Variants in KLF15 observed in about 807,000 individuals in gnomAD.
KLF15 encodes KLF transcription factor 15.
In KLF15, 4 loss-of-function variants were observed where a neutral mutation model predicts 24.6. The ratio of observed to expected loss-of-function variants is 0.16; its 90% CI spans 0.08 to 0.37. KLF15 has a LOEUF of 0.37. Ranked by LOEUF, KLF15 falls within the 10% of genes least tolerant of loss-of-function variation. The probability of loss-of-function intolerance (pLI) is 1.00; values close to 1 mark genes in which losing one functional copy is unlikely to be tolerated. For synonymous variants in KLF15, 246 were observed against 236.3 expected, an observed-to-expected ratio of 1.04 and a Z score of -0.37; for missense variants, 496 against 560.6, an observed-to-expected ratio of 0.88 and a Z score of 1.16.
chr3:126,323,406 TA>T, the KLF15 span, among the ~76,000 whole-genome samples: 1 of 22,132 alleles, frequency 4.5e-5, no homozygotes, highest in African/African-American at 2.8e-4. Flanking sequence ...CCAGTAGTTA[TA>T]TATATATATA....
the KLF15 span, among the ~76,000 whole-genome samples, chr3:126,306,392 C>A: frequency 6.6e-6 from 1 of 152,134 alleles, no homozygotes; most frequent in Non-Finnish European, 1.5e-5. Context: ...GTCAGCTGTT[C>A]CCCACCCCTA....
At chr3:126,298,505 G>A in the KLF15 span, among the ~76,000 whole-genome samples, 3 of 151,698 alleles carry the variant, frequency 2.0e-5, no homozygotes, top group African/African-American at 7.3e-5. Flanking sequence ...TGTCCTTGTT[G>A]CATTTGCTTT....
the KLF15 span, among the ~76,000 whole-genome samples, chr3:126,292,304 C>A: frequency 6.6e-6 from 1 of 152,126 alleles, no homozygotes; most frequent in African/African-American, 2.4e-5. Context: ...TATGTCACCC[C>A]AAGTGACTCT....
the KLF15 span, among the ~76,000 whole-genome samples, chr3:126,323,475 A>AACATATATATGT: frequency 4.9e-5 from 2 of 41,160 alleles, no homozygotes; most frequent in African/African-American, 2.4e-4. Flanking sequence ...TATATATGTT[A>AACATATATATGT]TATATATATA....
chr3:126,354,798 C>T (rs1380959653), intron 1 of KLF15, among the ~76,000 whole-genome samples: 3 of 152,188 alleles, frequency 2.0e-5, no homozygotes, highest in Non-Finnish European at 4.4e-5. Context: ...CCTTTCCCAC[C>T]CTCCAAGCAG....
chr3:126,304,653 G>A, the KLF15 span, among the ~76,000 whole-genome samples: 1 of 152,188 alleles, frequency 6.6e-6, no homozygotes, highest in Non-Finnish European at 1.5e-5. Context: ...AGGAATCACT[G>A]TCCTTCACAG....
intron 2 of KLF15, among the ~76,000 whole-genome samples, chr3:126,350,869 A>T (rs1402259352): frequency 6.6e-6 from 1 of 152,126 alleles, no homozygotes; most frequent in African/African-American, 2.4e-5. Context: ...CGTCTCACAC[A>T]CGTAGCAGCA....
the KLF15 span, among the ~76,000 whole-genome samples, chr3:126,295,762 G>A: frequency 2.0e-5 from 3 of 152,236 alleles, no homozygotes; most frequent in East Asian, 1.9e-4. Flanking sequence ...AGCTAAGTCA[G>A]TTTGGCAAGA....
chr3:126,339,156 G>A (rs922765106), downstream of KLF15, among the ~76,000 whole-genome samples: 2 of 152,156 alleles, frequency 1.3e-5, no homozygotes, highest in Non-Finnish European at 2.9e-5. Flanking sequence ...CCTTCCTGAC[G>A]GGCCCGGCTG....
In KLF15 at chr3:126,356,985, C is replaced by T. The variant is rs1266027636; in HGVS notation, c.-26+252G>A. 3.3e-5 allele frequency among the ~76,000 whole-genome samples: 5 copies of T among 151,772 alleles called. No homozygotes were observed. The South Asian group carries it at 8.3e-4, about 25-fold the overall frequency. On this transcript the variant is annotated intron_variant, in intron 1 of 2. Coordinates refer to ENST00000296233, the MANE Select transcript of KLF15 (RefSeq NM_014079.4). This position sits in a 1 kb window ranked among gnomAD's most constrained non-coding sequence, Gnocchi z 4.4. ...GCCACGGAATCGCCCGGCCAGGCAC[C>T]GAGGCGGCGGCGCGGGCCTCAGCAA...
chr3:126,317,569 A>G, the KLF15 span, among the ~76,000 whole-genome samples: 1 of 152,118 alleles, frequency 6.6e-6, no homozygotes, highest in Admixed American at 6.5e-5. Context: ...TCAAGTGAGC[A>G]TGTGCACAAT....
downstream of KLF15, among the ~76,000 whole-genome samples, chr3:126,339,338 G>A (rs975646881): frequency 2.0e-5 from 3 of 152,084 alleles, no homozygotes; most frequent in Non-Finnish European, 4.4e-5. Flanking sequence ...GCAATCCCCC[G>A]CTATCCCTTC....
the KLF15 span, among the ~76,000 whole-genome samples, chr3:126,324,801 T>C: frequency 1.9e-5 from 2 of 102,574 alleles, no homozygotes; most frequent in African/African-American, 7.8e-5. Flanking sequence ...TTTTTTTTTT[T>C]CGCTCTTTTT....
At chr3:126,308,063 C>T in the KLF15 span, among the ~76,000 whole-genome samples, 1 of 152,168 alleles carries the variant, frequency 6.6e-6, no homozygotes, top group Non-Finnish European at 1.5e-5. Flanking sequence ...GGAGGAGCGC[C>T]GTGGCCTGGC....
At chr3:126,337,655 G>C (rs1318489318), downstream of KLF15, among the ~76,000 whole-genome samples, 6 of 152,080 alleles carry the variant, frequency 3.9e-5, no homozygotes, top group South Asian at 8.3e-4. Context: ...GTGAAGGGTG[G>C]ATATTAAGGA....
the KLF15 span, among the ~76,000 whole-genome samples, chr3:126,329,628 C>T: frequency 6.6e-6 from 1 of 152,134 alleles, no homozygotes; most frequent in African/African-American, 2.4e-5. Context: ...TATACATTTT[C>T]TCCTCCAGAT....
the KLF15 span, among the ~76,000 whole-genome samples, chr3:126,292,431 A>G: frequency 1.3e-5 from 2 of 152,190 alleles, no homozygotes; most frequent in African/African-American, 2.4e-5. Context: ...GGAGGGCTAC[A>G]GTTAAAGAAG....
At chr3:126,345,417 C>G (rs1458564078) in intron 2 of KLF15, among the ~76,000 whole-genome samples, 6 of 152,038 alleles carry the variant, frequency 3.9e-5, no homozygotes, top group African/African-American at 1.4e-4. Context: ...CAAGAGTGGG[C>G]ACAGCAAGCA....
the KLF15 span, among the ~76,000 whole-genome samples, chr3:126,296,753 T>G: frequency 6.6e-6 from 1 of 152,248 alleles, no homozygotes; most frequent in Non-Finnish European, 1.5e-5. Flanking sequence ...TACAAATTAA[T>G]TCATTAAGGC....
Sources: gnomAD v4.1 joint callset for allele counts (sites outside exome capture counted in the v4.1 genomes callset) on GRCh38, gnomAD v4.1.1 for gene constraint, Gnocchi (gnomAD v3.1) non-coding constraint, MANE v1.5 for transcripts, NCBI Gene and HGNC (gene_info 2026-07-23, HGNC 2026-07-21) for gene names.